SHANK2: variants seen among roughly 807,000 people sequenced by gnomAD.
SHANK2 encodes the protein SH3 and multiple ankyrin repeat domains protein 2.
A neutral mutation model predicts 133.7 loss-of-function variants in SHANK2; 43 were observed. The observed-to-expected ratio is 0.32, with a 90% CI of 0.25 to 0.41. SHANK2 has a LOEUF of 0.41. Among genes scored for constraint, SHANK2 ranks in the 10% least tolerant of loss-of-function variants. The pLI is 1.00. For synonymous variants in SHANK2, 1,017 were observed against 952.8 expected (o/e 1.07, Z -1.24); for missense variants, 1,994 against 2,235.8 (o/e 0.89, Z 2.18).
At chr11:70,586,659 A>G (rs1161274438) in intron 17 of SHANK2, among the ~76,000 whole-genome samples, 5 of 152,236 alleles carry the variant, frequency 3.3e-5, no homozygotes, top group Admixed American at 3.3e-4. Flanking sequence ...ACTGGCAATG[A>G]GAAATTTAGC....
intron 17 of SHANK2, among the ~76,000 whole-genome samples, chr11:70,572,978 G>C (rs1554983401): frequency 6.6e-6 from 1 of 152,158 alleles, no homozygotes; most frequent in Admixed American, 6.5e-5. Context: ...TGGTAGGTCG[G>C]AGTGGCTGCA....
At chr11:70,646,943 C>A (rs2061272167) in intron 17 of SHANK2, among the ~76,000 whole-genome samples, 1 of 151,958 alleles carries the variant, frequency 6.6e-6, no homozygotes, top group Admixed American at 6.6e-5. Context: ...TCACTGCAAC[C>A]TCTGCTTCCT....
intron 14 of SHANK2, chr11:70,705,604 AAAG>A (rs1424998464): frequency 6.6e-6 from 1 of 152,230 alleles, no homozygotes; most frequent in Non-Finnish European, 1.5e-5. Context: ...TGCCTGTGAT[AAAG>A]AAGCCAGGGA....
intron 17 of SHANK2, among the ~76,000 whole-genome samples, chr11:70,556,165 T>G (rs1554979508): frequency 6.6e-6 from 1 of 152,224 alleles, no homozygotes; most frequent in African/African-American, 2.4e-5. Context: ...GATTTAAGTT[T>G]CCTCCATATA....
intron 25 of SHANK2, among the ~76,000 whole-genome samples, chr11:70,483,048 G>C (rs1450164748): frequency 6.6e-6 from 1 of 152,312 alleles, no homozygotes; most frequent in East Asian, 1.9e-4. Flanking sequence ...GCTTGGTGCA[G>C]GATGCCCTGC....
In SHANK2 at chr11:70,499,399, G is replaced by A. The variant is rs367982597; in HGVS notation, c.2308+1171C>T. ...TTCTGATGCCACCCTGGGGGAGGAGGGTGGTGTGGATGGGGCCAGGTCCCA... is the reference window on the plus strand; with the variant it reads ...TTCTGATGCCACCCTGGGGGAGGAGAGTGGTGTGGATGGGGCCAGGTCCCA... On this transcript the variant is annotated intron_variant, in intron 21 of 25. Coordinates refer to ENST00000601538, the MANE Select transcript of SHANK2 (RefSeq NM_012309.5). 3.0e-3 allele frequency among the ~76,000 whole-genome samples: 453 copies of A among 152,360 alleles called. 4 individuals are homozygous for A. Among genetic ancestry groups the A allele is most frequent in the African/African-American group, 0.011 (443 of 41,582 alleles).
In SHANK2 at chr11:70,731,058, A is replaced by G. The variant is rs114635296; in HGVS notation, c.1778-32295T>C. 5.0e-3 allele frequency among the ~76,000 whole-genome samples: 763 copies of G among 152,224 alleles called. 7 individuals carry two copies. The highest frequency in any genetic ancestry group is 0.017 in the African/African-American group (722 of 41,540). On this transcript the variant is annotated intron_variant, in intron 14 of 25. Coordinates refer to ENST00000601538, the MANE Select transcript of SHANK2 (RefSeq NM_012309.5). The stretch of plus-strand genomic sequence containing the variant: ...GCAACACACATATGTTGAAGCCCCA[A>G]CGCCTAATTTGACTGTATTTGGAGA...
chr11:70,651,213 C>T (rs1348531885), intron 17 of SHANK2, among the ~76,000 whole-genome samples: 1 of 152,160 alleles, frequency 6.6e-6, no homozygotes, highest in African/African-American at 2.4e-5. Flanking sequence ...AGCCATGGTC[C>T]CCTGAAGTGA....
intron 8 of SHANK2, among the ~76,000 whole-genome samples, chr11:71,078,038 C>G (rs1166360145): frequency 6.6e-6 from 1 of 152,062 alleles, no homozygotes; most frequent in East Asian, 1.9e-4. Flanking sequence ...ACCCCAAGCA[C>G]CTGCACCTTG....
intron 2 of SHANK2, among the ~76,000 whole-genome samples, chr11:71,185,544 G>T (rs1953652827): frequency 6.6e-6 from 1 of 152,190 alleles, no homozygotes; most frequent in South Asian, 2.1e-4. Flanking sequence ...CTAGCAGCGA[G>T]CCCAGGCTGG....
At chr11:70,551,246 G>A (rs1377367555) in intron 17 of SHANK2, among the ~76,000 whole-genome samples, 2 of 152,156 alleles carry the variant, frequency 1.3e-5, no homozygotes, top group East Asian at 3.8e-4. Context: ...TCAAAGATGT[G>A]TCTGAGGCTC....
At chr11:70,488,519 G>T (rs2058843893) in intron 24 of SHANK2, among the ~76,000 whole-genome samples, 2 of 152,186 alleles carry the variant, frequency 1.3e-5, no homozygotes, top group South Asian at 4.1e-4. Flanking sequence ...CCTTCAGAGA[G>T]ATGGATGGCT....
At chr11:70,911,081 C>CA in intron 10 of SHANK2, 1 of 456,948 alleles carries the variant, frequency 2.2e-6, no homozygotes, top group South Asian at 1.5e-5. Context: ...AGACTTCCTC[C>CA]AAAATCACTC....
intron 10 of SHANK2, among the ~76,000 whole-genome samples, chr11:70,904,510 G>GT (rs11336653): frequency 0.22 from 29,628 of 136,048 alleles, 3,479 homozygotes; most frequent in African/African-American, 0.3. Context: ...GATCTGATGG[G>GT]TTTTTTTTTT....
intron 1 of SHANK2, among the ~76,000 whole-genome samples, chr11:71,249,062 G>A (rs1034365605): frequency 2.0e-5 from 3 of 152,150 alleles, no homozygotes; most frequent in African/African-American, 7.2e-5. Flanking sequence ...AGAATGACAG[G>A]CCTCTCATTT....
At chr11:70,558,566 G>A (rs192060333) in intron 17 of SHANK2, among the ~76,000 whole-genome samples, 163 of 152,316 alleles carry the variant, frequency 1.1e-3, no homozygotes, top group South Asian at 0.011. Flanking sequence ...CAGTTTCCTC[G>A]TCTGTAACAC....
chr11:71,160,005 A>C, intron 2 of SHANK2, among the ~76,000 whole-genome samples: 1 of 149,548 alleles, frequency 6.7e-6, no homozygotes, highest in African/African-American at 2.5e-5. Context: ...CCTGAAAGGG[A>C]CCTTTACAAC....
chr11:70,688,524 G>A (rs1477556741), intron 15 of SHANK2, among the ~76,000 whole-genome samples: 1 of 152,168 alleles, frequency 6.6e-6, no homozygotes. Flanking sequence ...TGTGCACCCA[G>A]GAAACATAGC....
intron 14 of SHANK2, among the ~76,000 whole-genome samples, chr11:70,773,694 C>T (rs1328020954): frequency 1.3e-5 from 2 of 152,068 alleles, no homozygotes; most frequent in African/African-American, 4.8e-5. Flanking sequence ...AAAGAAGATG[C>T]ACAAATAACC....
Sources: gnomAD v4.1 joint callset for allele counts (sites outside exome capture counted in the v4.1 genomes callset) on GRCh38, gnomAD v4.1.1 for gene constraint, MANE v1.5 for transcripts, NCBI Gene and HGNC (gene_info 2026-07-23, HGNC 2026-07-21) for gene names.